CFAP70: variants seen among roughly 807,000 people sequenced by gnomAD.
The protein encoded by CFAP70 is cilia and flagella associated protein 70.
In CFAP70, 81 loss-of-function variants were observed where a neutral mutation model predicts 137.6. The ratio of observed to expected loss-of-function variants is 0.59; its 90% confidence interval spans 0.49 to 0.71. The LOEUF is 0.71. Among genes scored for constraint, CFAP70 ranks in the 30% least tolerant of loss-of-function variants. The pLI, the probability that CFAP70 is intolerant of heterozygous loss-of-function variation, is 0.00. For synonymous variants in CFAP70, 382 were observed against 423.6 expected, an observed-to-expected ratio of 0.90 and a Z score of 1.20; for missense variants, 976 against 1,226.7, an observed-to-expected ratio of 0.80 and a Z score of 3.05.
At chr10:73,351,599 A>G (rs1030681908) in intron 3 of CFAP70, among the ~76,000 whole-genome samples, 1 of 151,634 alleles carries the variant, frequency 6.6e-6, no homozygotes, top group East Asian at 1.9e-4. Context: ...CGCCTGGCTA[A>G]TATTTGTATT....
At chr10:73,316,196 C>T (rs1197175594) in intron 9 of CFAP70, among the ~76,000 whole-genome samples, 4 of 151,930 alleles carry the variant, frequency 2.6e-5, no homozygotes, top group African/African-American at 2.4e-5. Flanking sequence ...TTACTTCAAA[C>T]TTCTGTGTAT....
In CFAP70 at chr10:73,302,905, A is replaced by T. The variant is rs1400308125; in HGVS notation, c.1257-3240T>A. Among the ~76,000 whole-genome samples, 10 of 116,280 alleles carry T rather than the reference A, an allele frequency of 8.6e-5. No individual in the cohort carries two copies. The South Asian group carries it at 3.1e-3, about 36-fold the overall frequency. The allele number at this position is 116,280 out of a possible 152,430, so 76.3% of individuals were successfully genotyped here. On this transcript the variant is annotated intron_variant, in intron 12 of 26. Transcript: ENST00000310715. ...TTTCTTTTTTTTTTTTTTTTGAGAG[A>T]GGGTCTCGCTCTGTTGCCAGGCTGG...
chr10:73,297,737 G>A (rs768452775), intron 14 of CFAP70, among the ~76,000 whole-genome samples: 4 of 152,188 alleles, frequency 2.6e-5, no homozygotes, highest in Non-Finnish European at 5.9e-5. Context: ...GCTATAGCCA[G>A]GACAGCTTCT....
At chr10:73,346,685 A>G (rs781294953) in intron 4 of CFAP70, among the ~76,000 whole-genome samples, 4 of 152,178 alleles carry the variant, frequency 2.6e-5, no homozygotes, top group African/African-American at 4.8e-5. Flanking sequence ...GCACTTTGCT[A>G]TATCACTAGG....
chr10:73,293,357 G>C, exon 16 of CFAP70: 4 of 1,609,414 alleles, frequency 2.5e-6, no homozygotes, highest in Non-Finnish European at 3.4e-6. Context: ...ATAAATGGTT[G>C]CAACAGTGCC....
At position 73,358,569 on chromosome 10, in the gene CFAP70, C is replaced by T. The variant is rs1026244420; in HGVS notation, c.-40+145G>A. ...CAGAGTCCGCACCTGGCCGGGCCAG[C>T]GGCTTTTCGGTCTAAATATCGGGGT... On this transcript the variant is annotated intron_variant, in intron 1 of 26. Coordinates refer to ENST00000310715, the Ensembl canonical transcript of CFAP70. The T allele has an allele frequency of 4.5e-4, 68 of 152,388 alleles. 1 individual carries two copies. Among genetic ancestry groups the T allele is most frequent in the Admixed American group, 4.3e-3 (66 of 15,284 alleles). The allele number at this position is 152,388 out of a possible 1,614,324, so 9.4% of individuals were successfully genotyped here. A position where few individuals can be genotyped will look rare whatever the true frequency, so the allele number is the denominator to read the frequency against.
At chr10:73,285,401 CA>C (rs1421654869) in intron 19 of CFAP70, among the ~76,000 whole-genome samples, 1 of 152,052 alleles carries the variant, frequency 6.6e-6, no homozygotes, top group African/African-American at 2.4e-5. Flanking sequence ...CAAGAAATAT[CA>C]AAAAACCTTT....
chr10:73,353,624 G>C (rs771956690), exon 3 of CFAP70: 1 of 1,614,178 alleles, frequency 6.2e-7, no homozygotes, highest in South Asian at 1.1e-5. Flanking sequence ...AAAACTGCTA[G>C]TGAAGTTGTA....
rs149832642 is a variant in CFAP70, at chr10:73,319,832, C to T, written c.912+3131G>A. Among the ~76,000 whole-genome samples the T allele has an allele frequency of 1.1e-4, 16 of 152,200 alleles. No homozygotes were observed. The East Asian group carries it at 2.3e-3, about 22-fold the overall frequency. On this transcript the variant is annotated intron_variant, in intron 9 of 26. Coordinates refer to ENST00000310715, the Ensembl canonical transcript of CFAP70. ...ACTTCTCAAGTAAAATGATAACTAC[C>T]GTTATTTAAATTTATAATTCCTTGA...
chr10:73,362,438 G>A (rs139183995), upstream of CFAP70, among the ~76,000 whole-genome samples: 3 of 152,254 alleles, frequency 2.0e-5, no homozygotes, highest in African/African-American at 7.2e-5. Context: ...GATACTATTT[G>A]TGTCTTCAGT....
chr10:73,299,023 G>T, exon 14 of CFAP70: 1 of 1,613,938 alleles, frequency 6.2e-7, no homozygotes, highest in Non-Finnish European at 8.5e-7. Flanking sequence ...TTGGCCACCT[G>T]TTTTCCAAAC....
intron 8 of CFAP70, 51 bp downstream of exon 9, chr10:73,331,126 G>A (rs747474516): frequency 1.9e-5 from 24 of 1,272,480 alleles, no homozygotes; most frequent in Admixed American, 3.8e-5. Context: ...ATAACAGGTC[G>A]GGTCTGATTC....
At chr10:73,283,692 C>A (rs1032160485) in intron 19 of CFAP70, among the ~76,000 whole-genome samples, 3 of 152,078 alleles carry the variant, frequency 2.0e-5, no homozygotes, top group Non-Finnish European at 4.4e-5. Context: ...ATTGTTTATC[C>A]TTTTATGCTT....
chr10:73,290,188 C>T (rs550954677), intron 19 of CFAP70, among the ~76,000 whole-genome samples: 26 of 151,870 alleles, frequency 1.7e-4, no homozygotes, highest in Non-Finnish European at 2.8e-4. Flanking sequence ...TACTACTTAG[C>T]GATAAAAAGG....
intron 12 of CFAP70, among the ~76,000 whole-genome samples, chr10:73,300,574 A>G (rs2048871516): frequency 6.6e-6 from 1 of 152,176 alleles, no homozygotes. Flanking sequence ...CAAAATAGAT[A>G]CTGAGAGGCC....
intron 19 of CFAP70, among the ~76,000 whole-genome samples, chr10:73,289,276 A>T (rs764178403): frequency 7.2e-5 from 11 of 151,836 alleles, no homozygotes; most frequent in East Asian, 5.8e-4. Context: ...ATAATTAATT[A>T]ATTTATTTAT....
intron 12 of CFAP70, among the ~76,000 whole-genome samples, chr10:73,302,694 C>T (rs1199577896): frequency 1.3e-5 from 2 of 152,070 alleles, no homozygotes; most frequent in Non-Finnish European, 2.9e-5. Context: ...TTTTAATGTG[C>T]ATTTATTTTA....
Position 73,275,939 on chromosome 10 carries a change from T to C in CFAP70, c.2521-341A>G, listed in dbSNP as rs2046692814. 6.1e-6 allele frequency: 1 copy of C among 163,486 alleles called. No homozygotes were observed. The highest frequency in any genetic ancestry group is 2.0e-4 in the South Asian group (1 of 4,934). 10.1% of individuals were successfully genotyped at this position (163,486 alleles called of 1,614,324 possible). A position where few individuals can be genotyped will look rare whatever the true frequency, so the allele number is the denominator to read the frequency against. ...TCAACCACCCCATTTACAAAGGAGG[T>C]AACATTTTCAGGCAGCTGACATTGT... On this transcript the variant is annotated intron_variant, in intron 21 of 26. Transcript: ENST00000310715. The surrounding 1 kb of genome is among the most constrained non-coding windows in gnomAD (Gnocchi z 4.0).
chr10:73,324,055 C>A (rs1589485010), intron 8 of CFAP70, among the ~76,000 whole-genome samples: 1 of 152,206 alleles, frequency 6.6e-6, no homozygotes, highest in Admixed American at 6.5e-5. Context: ...TGACCCCTGA[C>A]CCCCGAGCAG....
Sources: gnomAD v4.1 joint callset for allele counts (sites outside exome capture counted in the v4.1 genomes callset) on GRCh38, gnomAD v4.1.1 for gene constraint, Gnocchi (gnomAD v3.1) non-coding constraint, MANE v1.5 for transcripts, NCBI Gene and HGNC (gene_info 2026-07-23, HGNC 2026-07-21) for gene names.